Variants in LARP1 observed in about 807,000 individuals in gnomAD.
The protein encoded by LARP1 is la-related protein 1.
A neutral mutation model predicts 122.7 loss-of-function variants in LARP1; 36 were observed. The observed-to-expected ratio is 0.29, with a 90% CI of 0.22 to 0.39. The LOEUF (loss-of-function observed/expected upper bound fraction) is 0.39. LARP1 is among the 10% of genes least tolerant of loss of function. LARP1 has a pLI of 1.00. For synonymous variants in LARP1, 539 were observed against 528.7 expected (o/e 1.02, Z -0.27); for missense variants, 1,040 against 1,403.6 (o/e 0.74, Z 4.14).
In LARP1 at chr5:154,808,336, G is replaced by C. The variant is rs980174599; in HGVS notation, c.2699-123G>C. 3.5e-5 allele frequency: 41 copies of C among 1,172,444 alleles called. 1 individual carries two copies. In the South Asian group the frequency reaches 3.8e-4, roughly 11 times the overall value. 72.6% of individuals were successfully genotyped at this position (1,172,444 alleles called of 1,614,324 possible). Reference sequence around the variant, plus strand: ...TCTGCTGAATGACTGAGTGGCAGATGATGAGTGAGGGGATTTGGAAGTACA... The same window carrying C: ...TCTGCTGAATGACTGAGTGGCAGATCATGAGTGAGGGGATTTGGAAGTACA... On this transcript the variant is annotated intron_variant, in intron 15 of 18. Transcript: ENST00000518297.
At chr5:154,718,615 T>G (rs953739699) in intron 1 of LARP1, 3 of 152,298 alleles carry the variant, frequency 2.0e-5, no homozygotes, top group African/African-American at 7.2e-5. Context: ...ACCCCAGAAC[T>G]CTTGGACTCA....
At chr5:154,721,044 GA>G (rs962595316) in intron 1 of LARP1, among the ~76,000 whole-genome samples, 18 of 146,154 alleles carry the variant, frequency 1.2e-4, no homozygotes, top group African/African-American at 3.5e-4. Flanking sequence ...TTGTCTTAAA[GA>G]AAAAAAAAAG....
Position 154,802,968 on chromosome 5 carries a change from T to G in LARP1, c.2110-322T>G, listed in dbSNP as rs1758462578. Among the ~76,000 whole-genome samples, 1 of 152,170 alleles carries G rather than the reference T, an allele frequency of 6.6e-6. No individual in the cohort carries two copies. Among genetic ancestry groups the G allele is most frequent in the African/African-American group, 2.4e-5 (1 of 41,428 alleles). ...GCCCAGCCACTGTGTGATAAGGCAGTAGCAGAAAGAGAGATGGGGAAACAC... is the reference window on the plus strand; with the variant it reads ...GCCCAGCCACTGTGTGATAAGGCAGGAGCAGAAAGAGAGATGGGGAAACAC... On this transcript the variant is annotated intron_variant, in intron 11 of 18. Coordinates refer to ENST00000518297, the MANE Select transcript of LARP1 (RefSeq NM_033551.3). This position sits in a 1 kb window ranked among gnomAD's most constrained non-coding sequence, Gnocchi z 5.1.
chr5:154,788,825 TTA>T (rs1430959860), intron 1 of LARP1, among the ~76,000 whole-genome samples: 1 of 152,194 alleles, frequency 6.6e-6, no homozygotes, highest in African/African-American at 2.4e-5. Context: ...CCTGTAAATG[TTA>T]TGTTTAATTT....
intron 17 of LARP1, 53 bp downstream of exon 17, chr5:154,811,409 C>G: frequency 6.2e-7 from 1 of 1,604,840 alleles, no homozygotes; most frequent in Non-Finnish European, 8.5e-7. Flanking sequence ...GCCTCCTCTT[C>G]CCCAGTTGGA....
Position 154,803,522 on chromosome 5 carries a change from C to T in LARP1, c.2234-18C>T, listed in dbSNP as rs1027544711. 3.1e-6 allele frequency: 5 copies of T among 1,613,976 alleles called. No homozygotes were observed. The highest frequency in any genetic ancestry group is 1.7e-5 in the Admixed American group (1 of 60,004). ...CAGGCCTTTCCCTGCTTCCTGACTC[C>T]TCTCTCTGCCTCTGCAGTTCCTACG... On this transcript the variant is annotated intron_variant, in intron 12 of 18. Coordinates refer to ENST00000518297, the MANE Select transcript of LARP1 (RefSeq NM_033551.3). The surrounding 1 kb of genome is among the most constrained non-coding windows in gnomAD (Gnocchi z 4.4).
intron 17 of LARP1, 76 bp from the exon 18 acceptor site, chr5:154,811,437 A>G: frequency 2.5e-6 from 4 of 1,611,330 alleles, no homozygotes; most frequent in Non-Finnish European, 3.4e-6. Flanking sequence ...CTTTCTGTGT[A>G]TTACACAACA....
At chr5:154,693,665 C>G (rs572642801) in intron 1 of LARP1, among the ~76,000 whole-genome samples, 2 of 152,028 alleles carry the variant, frequency 1.3e-5, no homozygotes, top group Non-Finnish European at 2.9e-5. Flanking sequence ...ACCATCCTGG[C>G]TAACACAATG....
chr5:154,739,111 G>A (rs1757076910), intron 1 of LARP1, among the ~76,000 whole-genome samples: 1 of 152,110 alleles, frequency 6.6e-6, no homozygotes, highest in Non-Finnish European at 1.5e-5. Flanking sequence ...TGCCTCCCGG[G>A]TTCAAGCAAT....
chr5:154,810,522 G>A (rs964572648), intron 16 of LARP1, among the ~76,000 whole-genome samples: 1 of 151,866 alleles, frequency 6.6e-6, no homozygotes. Context: ...GAGTCTCACT[G>A]TGTCACCTAG....
Position 154,811,272 on chromosome 5 carries a change from T to C in LARP1, c.2869T>C (p.Tyr957His), listed in dbSNP as rs780858440. 6.2e-7 allele frequency: 1 copy of C among 1,614,210 alleles called. No individual in the cohort carries two copies. The highest frequency in any genetic ancestry group is 8.5e-7 in the Non-Finnish European group (1 of 1,180,034). ...ATATGGTTTGGAGTGCCTTTTTCGA[T>C]ACTACAGTTATGGCCTGGAAAAGAA... ...YRYGLECLFR[Y>H]YSYGLEKKFR... The change falls in exon 17 of 19, where the codon TAC (tyrosine) becomes CAC (histidine). Residue 957 changes from tyrosine to histidine, a missense_variant. Tyr to His is a moderately conservative substitution (Grantham distance 83). Around this residue, in one of 8 missense-constraint regions of LARP1, gnomAD observed 59 missense variants for 137.2 expected, o/e 0.43. Transcript: ENST00000518297.
In LARP1 at chr5:154,756,111, A is replaced by G; in HGVS notation, c.354A>G (p.Glu118=). The change falls in exon 1 of 19, where the codon GAA becomes GAG. Residue 118 remains glutamate (E), a synonymous_variant. Coordinates refer to ENST00000518297, the MANE Select transcript of LARP1 (RefSeq NM_033551.3). ...GCGCGGGGCGCCGGGACTTCGTGGA[A>G]GCCCCCCCGCCCAAGGTGAACCCGT... ...AAGAGRRDFV[E]APPPKVNPWT... is the part of the protein sequence containing the mutation. 2 of 1,219,450 alleles carry G rather than the reference A, an allele frequency of 1.6e-6. No individual in the cohort carries two copies. Among genetic ancestry groups the G allele is most frequent in the South Asian group, 2.9e-5 (2 of 68,766 alleles). 75.5% of individuals were successfully genotyped at this position (1,219,450 alleles called of 1,614,324 possible). A position where few individuals can be genotyped will look rare whatever the true frequency, so the allele number is the denominator to read the frequency against.
At chr5:154,737,436 C>CTTTTTTTTTTTTTTTTTTTTTTT (rs10526758) in intron 1 of LARP1, among the ~76,000 whole-genome samples, 1 of 95,304 alleles carries the variant, frequency 1.0e-5, no homozygotes, top group Non-Finnish European at 2.0e-5. Flanking sequence ...GAATTTTTCT[C>CTTTTTTTTTTTTTTTTTTTTTTT]TTTTTTTTTT....
At chr5:154,749,052 C>T (rs1753347304) in intron 1 of LARP1, among the ~76,000 whole-genome samples, 1 of 152,024 alleles carries the variant, frequency 6.6e-6, no homozygotes, top group South Asian at 2.1e-4. Context: ...AGTGTAGGGT[C>T]TGTGCTGGAA....
intron 15 of LARP1, among the ~76,000 whole-genome samples, 197 bp from the exon 16 acceptor site, chr5:154,808,262 A>G (rs554626690): frequency 2.5e-4 from 38 of 152,368 alleles, no homozygotes; most frequent in Admixed American, 7.8e-4. Context: ...GTACAGGCCC[A>G]GCTCCCAGCA....
At chr5:154,765,618 T>A (rs971026719) in intron 1 of LARP1, among the ~76,000 whole-genome samples, 1 of 152,112 alleles carries the variant, frequency 6.6e-6, no homozygotes, top group Non-Finnish European at 1.5e-5. Flanking sequence ...GGTCTTAAAC[T>A]CCTAGGCTCA....
intron 1 of LARP1, among the ~76,000 whole-genome samples, chr5:154,767,636 C>A (rs181241844): frequency 6.6e-6 from 1 of 152,276 alleles, no homozygotes; most frequent in East Asian, 1.9e-4. Context: ...TGAGTTCAGG[C>A]GTTTTGCAGT....
chr5:154,717,373 G>T lies in LARP1; in HGVS notation c.205+4243G>T, dbSNP rs147343238. Reference sequence around the variant, plus strand: ...CTCTACTCCTTACTTACATAGCTGGGCCCTGGTCCTAGTGCTGGCTTGAAC... The same window carrying T: ...CTCTACTCCTTACTTACATAGCTGGTCCCTGGTCCTAGTGCTGGCTTGAAC... On this transcript the variant is annotated intron_variant, in intron 1 of 18. Transcript: ENST00000336314. 5.3e-3 allele frequency among the ~76,000 whole-genome samples: 806 copies of T among 152,214 alleles called. 6 individuals carry two copies. Among genetic ancestry groups the T allele is most frequent in the African/African-American group, 0.018 (760 of 41,518 alleles).
upstream of LARP1, among the ~76,000 whole-genome samples, chr5:154,709,190 C>T (rs1755096216): frequency 6.6e-6 from 1 of 152,208 alleles, no homozygotes; most frequent in Non-Finnish European, 1.5e-5. Context: ...ATCAACTCTT[C>T]ACCAATAGTA....
Sources: gnomAD v4.1 joint callset for allele counts (sites outside exome capture counted in the v4.1 genomes callset) on GRCh38, gnomAD v4.1.1 for gene constraint, gnomAD v4.1.1 regional missense constraint, Gnocchi (gnomAD v3.1) non-coding constraint, MANE v1.5 for transcripts, NCBI Gene and HGNC (gene_info 2026-07-23, HGNC 2026-07-21) for gene names.